PCNX2: variants seen among roughly 807,000 people sequenced by gnomAD.
PCNX2 encodes the protein pecanex 2, also known as pecanex-like protein 2.
PCNX2 carries 168 observed loss-of-function variants against 223.8 expected under a neutral mutation model. That is an observed-to-expected ratio of 0.75 (90% CI 0.66 to 0.85). The LOEUF is 0.85. Among genes scored for constraint, PCNX2 ranks in the 40% least tolerant of loss-of-function variants. The pLI, the probability that PCNX2 is intolerant of heterozygous loss-of-function variation, is 0.00. For synonymous variants in PCNX2, 1,006 were observed against 1,052.6 expected (o/e 0.96, Z 0.86); for missense variants, 2,507 against 2,675.5 (o/e 0.94, Z 1.39).
rs743195 is a variant in PCNX2, at chr1:232,991,670, G to A, written c.5792-5130C>T. Among the ~76,000 whole-genome samples, 36,926 of 151,946 alleles carry A rather than the reference G, an allele frequency of 0.24. 4,750 individuals are homozygous for A. Among genetic ancestry groups the A allele is most frequent in the African/African-American group, 0.34 (13,914 of 41,376 alleles). The stretch of plus-strand genomic sequence containing the variant: ...GTGTGGACACAGAGAAGTACAGGGA[G>A]AACATGATGTGAAGACCAAGCCAGA... On this transcript the variant is annotated intron_variant, in intron 32 of 33. Coordinates refer to ENST00000258229, the MANE Select transcript of PCNX2 (RefSeq NM_014801.4). The surrounding 1 kb of genome is among the most constrained non-coding windows in gnomAD (Gnocchi z 4.3).
chr1:233,142,407 A>G (rs1262860779), intron 19 of PCNX2, among the ~76,000 whole-genome samples: 1 of 152,172 alleles, frequency 6.6e-6, no homozygotes, highest in Admixed American at 6.5e-5. Flanking sequence ...CATATCTACT[A>G]CTGGCTCCTC....
At chr1:233,204,539 A>G (rs1420711200) in intron 13 of PCNX2, among the ~76,000 whole-genome samples, 1 of 152,206 alleles carries the variant, frequency 6.6e-6, no homozygotes, top group South Asian at 2.1e-4. Context: ...GACTACTTAC[A>G]TCCCTTGCTA....
chr1:233,187,991 AACC>A (rs1185135736), intron 15 of PCNX2, among the ~76,000 whole-genome samples: 4 of 152,240 alleles, frequency 2.6e-5, no homozygotes, highest in African/African-American at 9.6e-5. Context: ...CAGTCATCAT[AACC>A]ACCAACTATT....
At chr1:233,158,975 C>A (rs1246726422) in intron 19 of PCNX2, among the ~76,000 whole-genome samples, 2 of 152,150 alleles carry the variant, frequency 1.3e-5, no homozygotes, top group African/African-American at 2.4e-5. Context: ...ATAGATGGAA[C>A]CTTCTGTGAG....
intron 23 of PCNX2, among the ~76,000 whole-genome samples, chr1:233,059,286 G>A (rs1346671961): frequency 1.3e-5 from 2 of 152,126 alleles, no homozygotes; most frequent in African/African-American, 4.8e-5. Flanking sequence ...CACCTGTCAA[G>A]GCTAACATCA....
upstream of PCNX2, among the ~76,000 whole-genome samples, chr1:233,298,911 A>C (rs1016714017): frequency 5.7e-4 from 81 of 142,282 alleles, no homozygotes; most frequent in African/African-American, 1.9e-3. Flanking sequence ...AACAAACAAA[A>C]AACTAAGTAT....
At chr1:233,094,986 C>T (rs1674072332) in intron 22 of PCNX2, among the ~76,000 whole-genome samples, 1 of 152,190 alleles carries the variant, frequency 6.6e-6, no homozygotes, top group African/African-American at 2.4e-5. Flanking sequence ...GGTTTAAAAA[C>T]TCTAAATTCA....
chr1:233,182,437 C>A (rs965403148), intron 15 of PCNX2, among the ~76,000 whole-genome samples: 3 of 152,052 alleles, frequency 2.0e-5, no homozygotes, highest in African/African-American at 4.8e-5. Flanking sequence ...GTATCCACAC[C>A]CTACCCCACC....
chr1:233,327,304 C>A, the PCNX2 span, among the ~76,000 whole-genome samples: 1 of 147,586 alleles, frequency 6.8e-6, no homozygotes, highest in Non-Finnish European at 1.5e-5. Context: ...CATGTGGGCG[C>A]GGCTCACCAT....
At chr1:233,314,231 TAG>T in the PCNX2 span, among the ~76,000 whole-genome samples, 6 of 151,790 alleles carry the variant, frequency 4.0e-5, no homozygotes, top group Non-Finnish European at 5.9e-5. Flanking sequence ...CATATATATT[TAG>T]AGAGAGAGAG....
chr1:233,290,845 G>C (rs1462049241), intron 1 of PCNX2: 1 of 985,326 alleles, frequency 1.0e-6, no homozygotes, highest in Non-Finnish European at 1.2e-6. Context: ...TAGAACGAAA[G>C]ACAGGCTTTC....
intron 23 of PCNX2, among the ~76,000 whole-genome samples, chr1:233,077,878 T>C (rs1673168763): frequency 6.6e-6 from 1 of 152,040 alleles, no homozygotes; most frequent in South Asian, 2.1e-4. Flanking sequence ...AACACAGCAA[T>C]CCACAGGTGA....
In PCNX2 at chr1:232,998,846, C is replaced by A. The variant is rs117370047; in HGVS notation, c.5603+259G>T. Reference sequence around the variant, plus strand: ...ATGGTTACTGCTAAAGACTCATAACCTTGGCAGCTCTGCAAGAACTCAGCC... The same window carrying A: ...ATGGTTACTGCTAAAGACTCATAACATTGGCAGCTCTGCAAGAACTCAGCC... On this transcript the variant is annotated intron_variant, in intron 31 of 33. Coordinates refer to ENST00000258229, the MANE Select transcript of PCNX2 (RefSeq NM_014801.4). Among the ~76,000 whole-genome samples the A allele has an allele frequency of 1.3e-4, 20 of 152,300 alleles. No homozygotes were observed. In the East Asian group the frequency reaches 3.9e-3, roughly 29 times the overall value.
chr1:233,049,119 C>T (rs562623839), intron 25 of PCNX2, among the ~76,000 whole-genome samples: 1 of 152,216 alleles, frequency 6.6e-6, no homozygotes, highest in South Asian at 2.1e-4. Context: ...AGGAGGGACT[C>T]CTCCCTAATG....
At position 233,218,203 on chromosome 1, in the gene PCNX2, TAAAAGCAAA is replaced by T; in HGVS notation, c.2505-28_2505-20del. ...TTCAGTTCTGTGCAAAATATATACATAAAAGCAAAAAAAAAAAAAAAAAAAAAAAGTGTA... is the reference window on the plus strand; with the variant it reads ...TTCAGTTCTGTGCAAAATATATACATAAAAAAAAAAAAAAAAAAAAGTGTA... On this transcript the variant is annotated intron_variant, in intron 10 of 33. Transcript: ENST00000258229. 1 of 94,520 alleles carries T rather than the reference TAAAAGCAAA, an allele frequency of 1.1e-5. No individual in the cohort carries two copies. Among genetic ancestry groups the T allele is most frequent in the Non-Finnish European group, 1.7e-5 (1 of 59,078 alleles). The allele number at this position is 94,520 out of a possible 1,614,324, so 5.9% of individuals were successfully genotyped here. A position where few individuals can be genotyped will look rare whatever the true frequency, so the allele number is the denominator to read the frequency against.
At chr1:233,185,285 A>G (rs1235787918) in intron 15 of PCNX2, among the ~76,000 whole-genome samples, 1 of 152,138 alleles carries the variant, frequency 6.6e-6, no homozygotes, top group Non-Finnish European at 1.5e-5. Flanking sequence ...AAGGAACTTC[A>G]TAACTGAGAT....
chr1:233,142,133 T>A (rs1677167457), intron 19 of PCNX2, among the ~76,000 whole-genome samples: 1 of 152,200 alleles, frequency 6.6e-6, no homozygotes. Context: ...TTTGGAAATG[T>A]GTTATTTCAT....
intron 27 of PCNX2, 99 bp from the exon 28 acceptor site, chr1:233,014,876 A>G: frequency 1.1e-6 from 1 of 894,284 alleles, no homozygotes; most frequent in South Asian, 1.6e-5. Flanking sequence ...TAAGTCAGCC[A>G]CGTGGTCATC....
At chr1:233,146,078 A>G (rs1245836106) in intron 19 of PCNX2, among the ~76,000 whole-genome samples, 1 of 152,246 alleles carries the variant, frequency 6.6e-6, no homozygotes, top group Non-Finnish European at 1.5e-5. Context: ...AGCATTTTAA[A>G]TAAGAGGTAC....
Sources: allele counts gnomAD v4.1 joint callset (sites outside exome capture counted in the v4.1 genomes callset), GRCh38; gene constraint gnomAD v4.1.1; non-coding constraint Gnocchi (gnomAD v3.1); transcripts MANE v1.5; gene names NCBI Gene and HGNC (gene_info 2026-07-23, HGNC 2026-07-21).